The following SLC35E1 variants were observed in gnomAD, a reference collection of about 807,000 sequenced individuals.
SLC35E1 encodes solute carrier family 35, member E1.
A neutral mutation model predicts 31.0 loss-of-function variants in SLC35E1; 12 were observed. That is an observed-to-expected ratio of 0.39 (90% CI 0.25 to 0.63). The LOEUF is 0.63. Ranked by LOEUF, SLC35E1 falls within the 20% of genes least tolerant of loss-of-function variation. SLC35E1 has a pLI of 0.52. For missense variants in SLC35E1, 429 were observed against 572.2 expected (o/e 0.75, Z 2.55); for synonymous variants, 257 against 264.1 (o/e 0.97, Z 0.26).
intron 4 of SLC35E1, chr19:16,557,162 T>C (rs1255496237): frequency 5.8e-6 from 2 of 342,392 alleles, no homozygotes; most frequent in Non-Finnish European, 1.2e-5. Flanking sequence ...CATAATAAAA[T>C]GGACTGATTT....
At chr19:16,566,110 G>A (rs1405982502) in intron 4 of SLC35E1, 1 of 155,990 alleles carries the variant, frequency 6.4e-6, no homozygotes, top group African/African-American at 2.4e-5. Flanking sequence ...TGAGGTCAAG[G>A]CTGCAGTGAG....
rs140984339 is a variant in SLC35E1 at position 16,555,270 on chromosome 19, T to C, written c.884A>G (p.Asn295Ser). 160 of 1,614,144 alleles carry C rather than the reference T, an allele frequency of 9.9e-5. No individual in the cohort carries two copies. Among genetic ancestry groups the C allele is most frequent in the Middle Eastern group, 4.9e-4 (3 of 6,062 alleles). ...LVSPLSYSVA[N>S]ATKRIMVITV... The stretch of plus-strand genomic sequence containing the variant: ...GATGACCATGATTCTTTTGGTGGCA[T>C]TGGCGACCGAGTAGCTCAGGGGGCT... Residue 295 changes from asparagine to serine, a missense_variant, in exon 5 of 6, where the codon AAT becomes AGT. Asn to Ser is a conservative substitution (Grantham distance 46). Transcript: ENST00000595753. The surrounding 1 kb of genome is among the most constrained non-coding windows in gnomAD (Gnocchi z 4.1).
rs531368256 is a variant in SLC35E1 at position 16,571,030 on chromosome 19, G to A, written c.492+482C>T. ...GGAGAACTGCTTGAACCTGGGAGGC[G>A]GAGGTTGCAGTGAGCTGAGATTGTG... On this transcript the variant is annotated intron_variant, in intron 2 of 5. Coordinates refer to ENST00000595753, the MANE Select transcript of SLC35E1 (RefSeq NM_024881.5). 2.8e-4 allele frequency among the ~76,000 whole-genome samples: 43 copies of A among 151,826 alleles called. No individual in the cohort carries two copies. In the East Asian group the frequency reaches 3.7e-3, roughly 13 times the overall value.
chr19:16,570,780 CCT>C (rs1247234864), intron 2 of SLC35E1, among the ~76,000 whole-genome samples: 2 of 152,276 alleles, frequency 1.3e-5, no homozygotes, highest in Admixed American at 6.5e-5. Context: ...CCAGAGGTCC[CCT>C]GACAGAAATC....
At chr19:16,571,470 C>T (rs2085957850) in intron 2 of SLC35E1, 42 bp downstream of exon 2, 5 of 1,605,502 alleles carry the variant, frequency 3.1e-6, no homozygotes, top group Non-Finnish European at 4.3e-6. Context: ...GGGAGGAACC[C>T]CCTGGAGCTC....
rs12461185 is a variant in SLC35E1, at chr19:16,551,456, T to C, written c.*2223A>G. On this transcript the variant is annotated 3_prime_UTR_variant, in exon 6 of 6. Transcript: ENST00000595753. ...AAAAGAAACACCAGTCAAGCATAAGTGATGTTACTTCCTCTCTGAACAGGG... is the reference window on the plus strand; with the variant it reads ...AAAAGAAACACCAGTCAAGCATAAGCGATGTTACTTCCTCTCTGAACAGGG... 13,704 of 152,104 alleles carry C rather than the reference T, an allele frequency of 0.09. 715 individuals are homozygous for C. The highest frequency in any genetic ancestry group is 0.12 in the African/African-American group (4,873 of 41,478). 9.4% of individuals were successfully genotyped at this position (152,104 alleles called of 1,614,324 possible). A position where few individuals can be genotyped will look rare whatever the true frequency, so the allele number is the denominator to read the frequency against.
intron 2 of SLC35E1, among the ~76,000 whole-genome samples, 194 bp downstream of exon 2, chr19:16,571,318 C>T (rs2085957034): frequency 6.6e-6 from 1 of 152,148 alleles, no homozygotes; most frequent in South Asian, 2.1e-4. Context: ...GGGACACATA[C>T]TCCACACACC....
At position 16,572,088 on chromosome 19, in the gene SLC35E1, G is replaced by T; in HGVS notation, c.277C>A (p.Pro93Thr). The T allele has an allele frequency of 2.0e-6, 3 of 1,524,650 alleles. No individual in the cohort carries two copies. The highest frequency in any genetic ancestry group is 2.6e-6 in the Non-Finnish European group (3 of 1,136,516). 94.4% of individuals were successfully genotyped at this position (1,524,650 alleles called of 1,614,324 possible). A position where few individuals can be genotyped will look rare whatever the true frequency, so the allele number is the denominator to read the frequency against. Residue 93 changes from proline (P) to threonine (T), a missense_variant, in exon 1 of 6, where the codon CCC (proline) becomes ACC (threonine). Transcript: ENST00000595753. The surrounding 1 kb of genome is among the most constrained non-coding windows in gnomAD (Gnocchi z 4.1). ...PPAPPVSGPG[P>T]SPHPSSGPLL... ...GGGCCGGACGACGGATGCGGACTGG[G>T]TCCGGGGCCCGAGACGGGCGGCGCG...
At chr19:16,562,408 C>T (rs1196524449) in intron 4 of SLC35E1, among the ~76,000 whole-genome samples, 6 of 152,144 alleles carry the variant, frequency 3.9e-5, no homozygotes, top group South Asian at 4.1e-4. Flanking sequence ...TCAGTATCCA[C>T]GGAGGACTGG....
At chr19:16,566,698 A>C in intron 3 of SLC35E1, 41 bp from the exon 4 acceptor site, 1 of 1,588,372 alleles carries the variant, frequency 6.3e-7, no homozygotes, top group Non-Finnish European at 8.6e-7. Flanking sequence ...TTAAAACTAT[A>C]TGTGGCAAAA....
intron 2 of SLC35E1, among the ~76,000 whole-genome samples, chr19:16,568,810 G>T (rs1270348572): frequency 6.6e-6 from 1 of 152,110 alleles, no homozygotes; most frequent in African/African-American, 2.4e-5. Flanking sequence ...GGGATTACAG[G>T]TGTGAGCCAC....
At chr19:16,567,868 T>C (rs1461874618) in intron 3 of SLC35E1, among the ~76,000 whole-genome samples, 164 bp downstream of exon 3, 2 of 152,186 alleles carry the variant, frequency 1.3e-5, no homozygotes, top group Admixed American at 1.3e-4. Flanking sequence ...AAACAAACTA[T>C]TTAAAAAGCA....
At position 16,571,940 on chromosome 19, in the gene SLC35E1, C is replaced by G; in HGVS notation, c.421+4G>C. 1 of 1,545,456 alleles carries G rather than the reference C, an allele frequency of 6.5e-7. No individual in the cohort carries two copies. The highest frequency in any genetic ancestry group is 8.7e-7 in the Non-Finnish European group (1 of 1,144,524). ...CCGCCCCCGAGGCCGGGCGCGGAACCTACCGGTGTGTGCATAGGACACGGG... is the reference window on the plus strand; with the variant it reads ...CCGCCCCCGAGGCCGGGCGCGGAACGTACCGGTGTGTGCATAGGACACGGG... On this transcript the variant is annotated splice_donor_region_variant and intron_variant, in intron 1 of 5. Transcript: ENST00000595753.
chr19:16,562,624 A>AC (rs1555697513), intron 4 of SLC35E1, among the ~76,000 whole-genome samples: 84 of 21,988 alleles, frequency 3.8e-3, no homozygotes, highest in African/African-American at 6.9e-3. Context: ...TTATTATAGT[A>AC]TTTTGTTTTT....
At chr19:16,557,892 T>C (rs1483516987) in intron 4 of SLC35E1, among the ~76,000 whole-genome samples, 3 of 151,728 alleles carry the variant, frequency 2.0e-5, no homozygotes, top group Non-Finnish European at 4.4e-5. Context: ...CTGCTTACAG[T>C]AAGCTCCGCC....
At chr19:16,560,994 G>A (rs2085902691) in intron 4 of SLC35E1, among the ~76,000 whole-genome samples, 2 of 149,602 alleles carry the variant, frequency 1.3e-5, no homozygotes, top group South Asian at 4.2e-4. Context: ...CTGAGGTCGG[G>A]AGTTCAAGAC....
intron 4 of SLC35E1, among the ~76,000 whole-genome samples, chr19:16,563,323 AAAAATAAAAT>A (rs200971382): frequency 6.6e-6 from 1 of 151,246 alleles, no homozygotes; most frequent in African/African-American, 2.4e-5. Flanking sequence ...CTCCGTCTCA[AAAAATAAAAT>A]AAAATAAAAT....
At position 16,550,328 on chromosome 19, in the gene SLC35E1, G is replaced by A. The variant is rs2085838635; in HGVS notation, c.*3351C>T. ...GGTAAAGGAAATTCTCTACCACAGA[G>A]CTCAGCAGTGAGGTGGCTGAGAGGA... On this transcript the variant is annotated 3_prime_UTR_variant, in exon 6 of 6. Coordinates refer to ENST00000595753, the MANE Select transcript of SLC35E1 (RefSeq NM_024881.5). The A allele has an allele frequency of 6.6e-6, 1 of 152,434 alleles. No homozygotes were observed. The highest frequency in any genetic ancestry group is 2.1e-4 in the South Asian group (1 of 4,838). The allele number at this position is 152,434 out of a possible 1,614,324, so 9.4% of individuals were successfully genotyped here.
intron 2 of SLC35E1, 151 bp downstream of exon 2, chr19:16,571,361 G>A: frequency 2.7e-6 from 2 of 734,524 alleles, no homozygotes; most frequent in East Asian, 2.6e-5. Context: ...AACTTGAGTA[G>A]TAAAAGGCCA....
Sources: gnomAD v4.1 joint callset for allele counts (sites outside exome capture counted in the v4.1 genomes callset) on GRCh38, gnomAD v4.1.1 for gene constraint, Gnocchi (gnomAD v3.1) non-coding constraint, MANE v1.5 for transcripts, NCBI Gene and HGNC (gene_info 2026-07-23, HGNC 2026-07-21) for gene names.